SLC25A48: variants seen among roughly 807,000 people sequenced by gnomAD.
SLC25A48 encodes the protein CTC-321K16.1.
Under a neutral mutation model 32.2 loss-of-function variants are expected in SLC25A48, and 29 were observed. The observed-to-expected ratio is 0.90, with a 90% CI of 0.67 to 1.23. The LOEUF (loss-of-function observed/expected upper bound fraction) is 1.23. Ranked by LOEUF, SLC25A48 falls within the 50% of genes most tolerant of loss-of-function variation. The pLI is 0.00. For synonymous variants in SLC25A48, 164 were observed against 172.3 expected, an observed-to-expected ratio of 0.95 and a Z score of 0.38; for missense variants, 399 against 422.7, an observed-to-expected ratio of 0.94 and a Z score of 0.49.
chr5:135,618,350 A>ATT (rs144264552), intron 1 of SLC25A48, among the ~76,000 whole-genome samples: 2 of 151,182 alleles, frequency 1.3e-5, no homozygotes, highest in African/African-American at 4.9e-5. Flanking sequence ...TAGGTGGATC[A>ATT]TTTTTTTTTA....
At chr5:135,735,821 C>T (rs1052920957) in intron 3 of SLC25A48, among the ~76,000 whole-genome samples, 1 of 152,086 alleles carries the variant, frequency 6.6e-6, no homozygotes, top group African/African-American at 2.4e-5. Flanking sequence ...TGTATATATT[C>T]AGTAGGGTCT....
Position 135,806,911 on chromosome 5 carries a change from TGATA to T in SLC25A48, c.-520-5611_-520-5608del, listed in dbSNP as rs138632811. On this transcript the variant is annotated intron_variant, in intron 3 of 10. Coordinates refer to the SLC25A48 transcript ENST00000646290. ...TAACACTAGATATTATGAATGTCAT[TGATA>T]TTTTATTAATATCGTAGTGTGTTAA... 9.8e-3 allele frequency among the ~76,000 whole-genome samples: 1,471 copies of T among 150,496 alleles called. 30 individuals carry two copies. Among genetic ancestry groups the T allele is most frequent in the African/African-American group, 0.034 (1,401 of 41,458 alleles).
intron 3 of SLC25A48, among the ~76,000 whole-genome samples, chr5:135,792,677 A>G (rs1757062284): frequency 6.6e-6 from 1 of 151,754 alleles, no homozygotes; most frequent in Non-Finnish European, 1.5e-5. Context: ...TATCACAGTA[A>G]GTGTTCACCA....
chr5:135,629,005 A>G lies in SLC25A48; in HGVS notation c.-848-232A>G, dbSNP rs939965003. Among the ~76,000 whole-genome samples, 1 of 152,220 alleles carries G rather than the reference A, an allele frequency of 6.6e-6. No individual in the cohort carries two copies. The highest frequency in any genetic ancestry group is 6.5e-5 in the Admixed American group (1 of 15,286). ...GGGCCAGGAAGCTGCAGCTGGTGCT[A>G]GGTTAATTTCCAGAATTAGGCTACA... is the stretch of plus-strand genomic sequence containing the variant. On this transcript the variant is annotated intron_variant, in intron 1 of 10. Transcript: ENST00000646290. The surrounding 1 kb of genome is among the most constrained non-coding windows in gnomAD (Gnocchi z 4.8).
At chr5:135,589,387 A>C (rs1465504953) in intron 1 of SLC25A48, among the ~76,000 whole-genome samples, 1 of 152,236 alleles carries the variant, frequency 6.6e-6, no homozygotes, top group East Asian at 1.9e-4. Flanking sequence ...TGGTTGTCAC[A>C]GTCTGCCTGG....
Position 135,635,818 on chromosome 5 carries a change from G to A in SLC25A48, c.-521+862G>A, listed in dbSNP as rs114710722. On this transcript the variant is annotated intron_variant, in intron 3 of 10. Transcript: ENST00000646290. ...CATACCACTGCTTTAATGGGATACC[G>A]CTAAGTGACAGGAAACCCACTACCT... Among the ~76,000 whole-genome samples the A allele has an allele frequency of 7.4e-3, 1,125 of 152,242 alleles. 18 individuals are homozygous for A. The highest frequency in any genetic ancestry group is 0.025 in the African/African-American group (1,043 of 41,550).
intron 1 of SLC25A48, among the ~76,000 whole-genome samples, chr5:135,594,280 A>G (rs113740218): frequency 6.6e-6 from 1 of 152,180 alleles, no homozygotes; most frequent in African/African-American, 2.4e-5. Context: ...TTCCCTTGGG[A>G]GAAAGTGGCT....
chr5:135,735,675 A>T (rs1192534109), intron 3 of SLC25A48, among the ~76,000 whole-genome samples: 1 of 152,170 alleles, frequency 6.6e-6, no homozygotes, highest in Non-Finnish European at 1.5e-5. Flanking sequence ...GGTCTGGTTC[A>T]TGGAGCCAGC....
intron 3 of SLC25A48, among the ~76,000 whole-genome samples, chr5:135,795,743 G>A (rs1009867674): frequency 2.0e-5 from 3 of 151,030 alleles, no homozygotes; most frequent in African/African-American, 2.4e-5. Flanking sequence ...CATAACATCC[G>A]GTGGGGGAGA....
In SLC25A48 at chr5:135,611,496, CAAA is replaced by C. The variant is rs57138043; in HGVS notation, c.-848-17712_-848-17710del. 1.7e-3 allele frequency among the ~76,000 whole-genome samples: 37 copies of C among 21,330 alleles called. No individual in the cohort carries two copies. In the South Asian group the frequency reaches 0.018, roughly 10 times the overall value. The allele number at this position is 21,330 out of a possible 152,430, so 14.0% of individuals were successfully genotyped here. On this transcript the variant is annotated intron_variant, in intron 1 of 10. Coordinates refer to the SLC25A48 transcript ENST00000646290. Reference sequence around the variant, plus strand: ...TCGGTGACAGAGCGAGACTCCATCTCAAAAAAAAAAAAAAAAAAAAAAAAAAAA... The same window carrying C: ...TCGGTGACAGAGCGAGACTCCATCTCAAAAAAAAAAAAAAAAAAAAAAAAA...
At chr5:135,766,239 G>A (rs1438348512) in intron 3 of SLC25A48, among the ~76,000 whole-genome samples, 1 of 151,148 alleles carries the variant, frequency 6.6e-6, no homozygotes, top group East Asian at 2.0e-4. Flanking sequence ...ATATCGCGGT[G>A]GGTGTACATC....
At chr5:135,725,552 G>A (rs1755069610) in intron 3 of SLC25A48, among the ~76,000 whole-genome samples, 1 of 152,184 alleles carries the variant, frequency 6.6e-6, no homozygotes, top group Non-Finnish European at 1.5e-5. Context: ...TTCCTAACCT[G>A]CATCTCTCAA....
chr5:135,614,747 GTTGA>G (rs1752147893), intron 1 of SLC25A48, among the ~76,000 whole-genome samples: 3 of 152,094 alleles, frequency 2.0e-5, no homozygotes, highest in African/African-American at 7.2e-5. Flanking sequence ...CTTGATCACG[GTTGA>G]TATGGTTTGG....
intron 4 of SLC25A48, among the ~76,000 whole-genome samples, chr5:135,854,935 A>G (rs1490616063): frequency 6.6e-6 from 1 of 152,232 alleles, no homozygotes; most frequent in Non-Finnish European, 1.5e-5. Context: ...TCATTGTAGA[A>G]TTACAAACTG....
chr5:135,874,190 T>A, intron 6 of SLC25A48, 36 bp downstream of exon 6: 6 of 1,409,764 alleles, frequency 4.3e-6, no homozygotes, highest in Non-Finnish European at 5.5e-6. Context: ...TCAGTGTCAG[T>A]CCCTGGAAGG....
At chr5:135,882,872 C>T (rs1424835956) in intron 7 of SLC25A48, among the ~76,000 whole-genome samples, 1 of 152,216 alleles carries the variant, frequency 6.6e-6, no homozygotes, top group East Asian at 1.9e-4. Context: ...GGAAAGAAGA[C>T]ATAGTGCTCT....
intron 3 of SLC25A48, among the ~76,000 whole-genome samples, chr5:135,750,490 C>A (rs1426401710): frequency 1.3e-5 from 2 of 152,240 alleles, no homozygotes; most frequent in South Asian, 2.1e-4. Context: ...CTGGGAATGA[C>A]AAAGCTGGGA....
rs186832640 is a variant in SLC25A48 at position 135,783,102 on chromosome 5, C to T, written c.-520-29421C>T. 1.5e-3 allele frequency among the ~76,000 whole-genome samples: 174 copies of T among 118,118 alleles called. 56 individuals are homozygous for T. Among genetic ancestry groups the T allele is most frequent in the Non-Finnish European group, 2.9e-3 (140 of 47,512 alleles). The allele number at this position is 118,118 out of a possible 152,430, so 77.5% of individuals were successfully genotyped here. ...TCCAATACCACAGCACAGTTACAAC[C>T]CCCATATAATATTGTTTCTCAATCC... On this transcript the variant is annotated intron_variant, in intron 3 of 10. Coordinates refer to the SLC25A48 transcript ENST00000646290.
intron 3 of SLC25A48, among the ~76,000 whole-genome samples, chr5:135,737,405 T>C (rs1755401209): frequency 6.6e-6 from 1 of 152,138 alleles, no homozygotes; most frequent in Non-Finnish European, 1.5e-5. Flanking sequence ...TTTGTGATTC[T>C]TCAGTTACTT....
Sources: gnomAD v4.1 joint callset for allele counts (sites outside exome capture counted in the v4.1 genomes callset) on GRCh38, gnomAD v4.1.1 for gene constraint, Gnocchi (gnomAD v3.1) non-coding constraint, MANE v1.5 for transcripts, NCBI Gene and HGNC (gene_info 2026-07-23, HGNC 2026-07-21) for gene names.